Variants in CDH19 observed in about 807,000 individuals in gnomAD.
CDH19 encodes cadherin 19.
In CDH19, 67 loss-of-function variants were observed where a neutral mutation model predicts 64.2. The observed-to-expected ratio is 1.04, with a 90% confidence interval of 0.86 to 1.28. CDH19 has a LOEUF of 1.28. Ranked by LOEUF, CDH19 falls within the 50% of genes most tolerant of loss-of-function variation. CDH19 has a pLI of 0.00. For synonymous variants in CDH19, 346 were observed against 319.3 expected (o/e 1.08, Z -0.89); for missense variants, 1,030 against 929.0 (o/e 1.11, Z -1.41).
chr18:66,577,733 C>G (rs1002658629), intron 1 of CDH19, among the ~76,000 whole-genome samples: 1 of 151,914 alleles, frequency 6.6e-6, no homozygotes, highest in African/African-American at 2.4e-5. Flanking sequence ...AACTCAGTGT[C>G]TTAAAATGAT....
intron 1 of CDH19, among the ~76,000 whole-genome samples, chr18:66,579,651 AG>A (rs1177927772): frequency 6.6e-6 from 1 of 152,088 alleles, no homozygotes; most frequent in Non-Finnish European, 1.5e-5. Context: ...AGATTAAGAA[AG>A]ATTTAAGATA....
At chr18:66,602,667 T>A (rs1989065985) in intron 1 of CDH19, among the ~76,000 whole-genome samples, 1 of 151,872 alleles carries the variant, frequency 6.6e-6, no homozygotes, top group Non-Finnish European at 1.5e-5. Flanking sequence ...TATAATGATA[T>A]GAGCATTTCG....
chr18:66,520,559 A>T (rs1345458664), intron 9 of CDH19, among the ~76,000 whole-genome samples: 1 of 151,970 alleles, frequency 6.6e-6, no homozygotes, highest in Non-Finnish European at 1.5e-5. Context: ...GTAAAGCATA[A>T]TTTTAAGATC....
Position 66,509,258 on chromosome 18 carries a change from A to T in CDH19, c.1577-12T>A. ...GACAGCTGTGTTATCTAAAACAAAA[A>T]TCCATGTGCATAATTTTTTCAACTA... On this transcript the variant is annotated splice_polypyrimidine_tract_variant and intron_variant, in intron 10 of 11. Coordinates refer to ENST00000262150, the MANE Select transcript of CDH19 (RefSeq NM_021153.4). 1 of 1,609,346 alleles carries T rather than the reference A, an allele frequency of 6.2e-7. No individual in the cohort carries two copies. The highest frequency in any genetic ancestry group is 8.5e-7 in the Non-Finnish European group (1 of 1,177,206).
Position 66,509,083 on chromosome 18 carries a change from C to A in CDH19, c.1740G>T (p.Gln580His). The A allele has an allele frequency of 6.2e-7, 1 of 1,612,782 alleles. No homozygotes were observed. Among genetic ancestry groups the A allele is most frequent in the Non-Finnish European group, 8.5e-7 (1 of 1,179,242 alleles). The change falls in exon 11 of 12, where the codon CAG becomes CAT. Residue 580 changes from glutamine to histidine, a missense_variant. Physicochemically the swap from Gln to His is conservative, Grantham distance 24. Transcript: ENST00000262150. ...GCACAAGCTCCTGGTACTGGCAGGT[C>A]TGTGTGCTCCCACTGTCACCACAGT... is the stretch of plus-strand genomic sequence containing the variant. ...VCDCGDSGST[Q>H]TCQYQELVLS...
chr18:66,543,654 G>A (rs552385723), intron 7 of CDH19, among the ~76,000 whole-genome samples: 1 of 152,166 alleles, frequency 6.6e-6, no homozygotes, highest in East Asian at 2.0e-4. Context: ...GGAGGCCGAG[G>A]CCGGTGGATC....
intron 3 of CDH19, among the ~76,000 whole-genome samples, chr18:66,555,629 C>G (rs979186689): frequency 1.3e-5 from 2 of 151,558 alleles, no homozygotes; most frequent in Admixed American, 6.6e-5. Flanking sequence ...ATCAGGAAAA[C>G]TTTTTGCCTC....
At chr18:66,520,341 GTTT>G (rs368834150) in intron 9 of CDH19, among the ~76,000 whole-genome samples, 5 of 132,970 alleles carry the variant, frequency 3.8e-5, no homozygotes, top group African/African-American at 1.4e-4. Context: ...GAAAATAGCT[GTTT>G]TTTTTTTTTT....
At chr18:66,547,675 T>A (rs1384890375) in intron 5 of CDH19, among the ~76,000 whole-genome samples, 8 of 137,338 alleles carry the variant, frequency 5.8e-5, no homozygotes, top group African/African-American at 2.4e-4. Context: ...TTTTTTTTTT[T>A]TTTTTTTTTT....
chr18:66,511,756 T>C (rs574348061), intron 9 of CDH19, 71 bp from the exon 10 acceptor site: 1 of 749,858 alleles, frequency 1.3e-6, no homozygotes, highest in South Asian at 1.5e-5. Flanking sequence ...GCTATTATTA[T>C]TAGCTTTTAT....
intron 1 of CDH19, among the ~76,000 whole-genome samples, chr18:66,601,688 T>A (rs1989040803): frequency 6.6e-6 from 1 of 151,912 alleles, no homozygotes; most frequent in African/African-American, 2.4e-5. Flanking sequence ...AGACAAGCAT[T>A]CTCTTAACGA....
At chr18:66,581,865 C>T (rs959177369) in intron 1 of CDH19, among the ~76,000 whole-genome samples, 6 of 152,062 alleles carry the variant, frequency 3.9e-5, no homozygotes, top group African/African-American at 1.4e-4. Flanking sequence ...ATGCATATAT[C>T]ATATTAGCAT....
At position 66,560,650 on chromosome 18, in the gene CDH19, A is replaced by C. The variant is rs535811292; in HGVS notation, c.491-6126T>G. 5.4e-4 allele frequency among the ~76,000 whole-genome samples: 82 copies of C among 152,104 alleles called. 1 individual carries two copies. The highest frequency in any genetic ancestry group is 1.9e-3 in the African/African-American group (80 of 41,552). On this transcript the variant is annotated intron_variant, in intron 3 of 11. Coordinates refer to ENST00000262150, the MANE Select transcript of CDH19 (RefSeq NM_021153.4). Reference sequence around the variant, plus strand: ...ATTTGATATTTTTCTCAAAGCCCAAATCTCTTTTTCAATTTGTTAAACATA... The same window carrying C: ...ATTTGATATTTTTCTCAAAGCCCAACTCTCTTTTTCAATTTGTTAAACATA...
intron 11 of CDH19, among the ~76,000 whole-genome samples, chr18:66,508,327 A>C (rs1985300349): frequency 6.6e-6 from 1 of 151,898 alleles, no homozygotes; most frequent in Admixed American, 6.6e-5. Context: ...CTATTTTACC[A>C]CATGGTAACT....
chr18:66,529,660 T>C (rs1986361111), intron 9 of CDH19, among the ~76,000 whole-genome samples, 185 bp downstream of exon 9: 1 of 147,910 alleles, frequency 6.8e-6, no homozygotes, highest in Non-Finnish European at 1.5e-5. Flanking sequence ...ATTTTATATA[T>C]ATAATTTGTA....
intron 11 of CDH19, 104 bp downstream of exon 11, chr18:66,508,891 A>G: frequency 8.3e-7 from 1 of 1,205,200 alleles, no homozygotes; most frequent in Non-Finnish European, 1.2e-6. Context: ...TTAACTATGT[A>G]TTTATCATGT....
Position 66,544,847 on chromosome 18 carries a change from T to C in CDH19, c.832A>G (p.Ile278Val). 6.2e-7 allele frequency: 1 copy of C among 1,613,144 alleles called. No homozygotes were observed. Reference sequence around the variant, plus strand: ...CCTATGTCATTATCATATGCCATGATTGTTCCTATAGAAGTCCCAGTGGGT... The same window carrying C: ...CCTATGTCATTATCATATGCCATGACTGTTCCTATAGAAGTCCCAGTGGGT... ...SAPTGTSIGTIMAYDNDIGEN... is the reference protein window; with the variant it reads ...SAPTGTSIGTVMAYDNDIGEN... Residue 278 changes from isoleucine to valine, a missense_variant, in exon 6 of 12, where the codon ATC becomes GTC. Ile to Val is a conservative substitution (Grantham distance 29). Transcript: ENST00000262150.
intron 1 of CDH19, among the ~76,000 whole-genome samples, chr18:66,599,257 T>C (rs1399521778): frequency 6.6e-6 from 1 of 152,226 alleles, no homozygotes; most frequent in East Asian, 1.9e-4. Context: ...TTTTTAATTG[T>C]CTGCTATGAG....
intron 7 of CDH19, among the ~76,000 whole-genome samples, 170 bp from the exon 8 acceptor site, chr18:66,535,277 A>G (rs1598990022): frequency 6.6e-6 from 1 of 151,804 alleles, no homozygotes; most frequent in Non-Finnish European, 1.5e-5. Flanking sequence ...GATTCAACTC[A>G]GTGGAGATAG....
Sources: allele counts gnomAD v4.1 joint callset (sites outside exome capture counted in the v4.1 genomes callset), GRCh38; gene constraint gnomAD v4.1.1; transcripts MANE v1.5; gene names NCBI Gene and HGNC (gene_info 2026-07-23, HGNC 2026-07-21).